Variants in PIEZO2 observed in about 807,000 individuals in gnomAD.
The protein encoded by PIEZO2 is piezo type mechanosensitive ion channel component 2, also known as piezo-type mechanosensitive ion channel component 2.
PIEZO2 carries 172 observed loss-of-function variants against 337.3 expected under a neutral mutation model. The observed-to-expected ratio is 0.51, with a 90% CI of 0.45 to 0.58. The LOEUF (loss-of-function observed/expected upper bound fraction) is 0.58, where lower values mean the gene tolerates loss of function less well. Ranked by LOEUF, PIEZO2 falls within the 20% of genes least tolerant of loss-of-function variation. The pLI, the probability that PIEZO2 is intolerant of heterozygous loss-of-function variation, is 0.00. For synonymous variants in PIEZO2, 1,251 were observed against 1,228.5 expected (o/e 1.02, Z -0.38); for missense variants, 3,028 against 3,391.3 (o/e 0.89, Z 2.66).
chr18:10,858,044 G>A (rs1339693262), intron 5 of PIEZO2, among the ~76,000 whole-genome samples: 1 of 148,318 alleles, frequency 6.7e-6, no homozygotes, highest in East Asian at 2.0e-4. Context: ...ATAAGTGGCT[G>A]GGTGCGGTGG....
At chr18:10,865,200 T>C (rs1400042084) in intron 5 of PIEZO2, among the ~76,000 whole-genome samples, 1 of 151,958 alleles carries the variant, frequency 6.6e-6, no homozygotes, top group Non-Finnish European at 1.5e-5. Context: ...CCATGCAGAG[T>C]CATGAGCATC....
rs560636249 is a variant in PIEZO2, at chr18:10,872,351, G to A, written c.330-936C>T. Among the ~76,000 whole-genome samples, 33 of 152,204 alleles carry A rather than the reference G, an allele frequency of 2.2e-4. No individual in the cohort carries two copies. In the South Asian group the frequency reaches 6.2e-3, roughly 29 times the overall value. The stretch of plus-strand genomic sequence containing the variant: ...GTGGAGAGTAGAAAGGGCTTCAACT[G>A]GAAAAGGAGGAGAGATCTGTCTGGG... On this transcript the variant is annotated intron_variant, in intron 4 of 55. Coordinates refer to ENST00000674853, the MANE Select transcript of PIEZO2 (RefSeq NM_001378183.1). The surrounding 1 kb of genome is among the most constrained non-coding windows in gnomAD (Gnocchi z 4.3).
At chr18:10,985,451 C>T (rs1568267338) in intron 2 of PIEZO2, among the ~76,000 whole-genome samples, 1 of 151,948 alleles carries the variant, frequency 6.6e-6, no homozygotes, top group African/African-American at 2.4e-5. Context: ...TTCCCTTTCC[C>T]CATTGTGTAT....
intron 3 of PIEZO2, among the ~76,000 whole-genome samples, chr18:10,975,102 A>G (rs1224109754): frequency 6.6e-6 from 1 of 152,232 alleles, no homozygotes; most frequent in African/African-American, 2.4e-5. Flanking sequence ...GAATAGAATA[A>G]TCCCTAGGGT....
chr18:10,934,636 C>CGTGTGTGTGTGT (rs59190236), intron 3 of PIEZO2, among the ~76,000 whole-genome samples: 4,036 of 130,776 alleles, frequency 0.031, 127 homozygotes, highest in East Asian at 0.073. Flanking sequence ...ATTGTGTGTA[C>CGTGTGTGTGTGT]GTGTGTGTGT....
chr18:10,759,898 T>G lies in PIEZO2; in HGVS notation c.3462A>C (p.Leu1154=). Residue 1154 remains leucine (L), a synonymous_variant, in exon 25 of 56, where the codon CTA becomes CTC. Coordinates refer to ENST00000674853, the MANE Select transcript of PIEZO2 (RefSeq NM_001378183.1). This position sits in a 1 kb window ranked among gnomAD's most constrained non-coding sequence, Gnocchi z 5.5. ...FYKFGLETCF[L]MSVNVIGQRM... is the part of the protein sequence containing the mutation. ...GCTGGCCAATGACGTTAACTGACAT[T>G]AGGAAACAGGTCTGTGTAAAGATGA... is the stretch of plus-strand genomic sequence containing the variant. 6.5e-7 allele frequency: 1 copy of G among 1,537,278 alleles called. No homozygotes were observed. Among genetic ancestry groups the G allele is most frequent in the South Asian group, 1.2e-5 (1 of 84,048 alleles).
At chr18:10,921,918 GGAA>G in intron 3 of PIEZO2, among the ~76,000 whole-genome samples, 1 of 152,052 alleles carries the variant, frequency 6.6e-6, no homozygotes, top group East Asian at 1.9e-4. Flanking sequence ...AGGCTTATTA[GGAA>G]GAGGAAATTC....
rs74491005 is a variant in PIEZO2, at chr18:10,937,800, C to T, written c.287-26572G>A. Among the ~76,000 whole-genome samples the T allele has an allele frequency of 7.9e-3, 1,208 of 152,278 alleles. 3 individuals are homozygous for T. Among genetic ancestry groups the T allele is most frequent in the Middle Eastern group, 0.017 (5 of 294 alleles). ...GTCCTTTTCACAGCTTCTTCCCTGA[C>T]ATTTTGCTGAGTTATGCTCTATGTT... On this transcript the variant is annotated intron_variant, in intron 3 of 55. Transcript: ENST00000674853.
At chr18:11,053,195 G>T (rs1043617794) in intron 2 of PIEZO2, among the ~76,000 whole-genome samples, 4 of 152,124 alleles carry the variant, frequency 2.6e-5, no homozygotes, top group African/African-American at 7.2e-5. Context: ...AGTAGAGAGG[G>T]CTATCAGCTC....
chr18:11,107,599 T>C (rs1158897476), intron 1 of PIEZO2, among the ~76,000 whole-genome samples: 1 of 152,216 alleles, frequency 6.6e-6, no homozygotes, highest in Non-Finnish European at 1.5e-5. Context: ...TTCTGAATGA[T>C]GGCGTTAAAG....
chr18:10,820,971 T>C (rs549204800), intron 7 of PIEZO2, among the ~76,000 whole-genome samples: 2 of 152,312 alleles, frequency 1.3e-5, no homozygotes, highest in African/African-American at 2.4e-5. Flanking sequence ...TCAATTTTTG[T>C]TCTTTCCCCG....
At position 11,101,806 on chromosome 18, in the gene PIEZO2, G is replaced by A. The variant is rs1281489074; in HGVS notation, c.65-35584C>T. On this transcript the variant is annotated intron_variant, in intron 1 of 55. Coordinates refer to ENST00000674853, the MANE Select transcript of PIEZO2 (RefSeq NM_001378183.1). The surrounding 1 kb of genome is among the most constrained non-coding windows in gnomAD (Gnocchi z 4.4). ...AATGTAGACCCCGACCAGGCAGAAG[G>A]CCTCGGCTACTCCCATGCTAAATTT... 6.6e-6 allele frequency among the ~76,000 whole-genome samples: 1 copy of A among 152,176 alleles called. No individual in the cohort carries two copies. Among genetic ancestry groups the A allele is most frequent in the Non-Finnish European group, 1.5e-5 (1 of 68,028 alleles).
In PIEZO2 at chr18:10,704,234, C is replaced by T. The variant is rs1598378439; in HGVS notation, c.6258+160G>A. On this transcript the variant is annotated intron_variant, in intron 42 of 55. Coordinates refer to ENST00000674853, the MANE Select transcript of PIEZO2 (RefSeq NM_001378183.1). ...AGTGCTAGGTAACTGTTGCTGCTGA[C>T]GATTTGTGTATCTAAGAATGTCTGT... 16 of 1,017,964 alleles carry T rather than the reference C, an allele frequency of 1.6e-5. No individual in the cohort carries two copies. The South Asian group carries it at 1.7e-4, about 11-fold the overall frequency. 63.1% of individuals were successfully genotyped at this position (1,017,964 alleles called of 1,614,324 possible).
intron 52 of PIEZO2, 127 bp downstream of exon 52, chr18:10,680,072 T>A (rs2034195311): frequency 1.3e-6 from 1 of 762,132 alleles, no homozygotes; most frequent in African/African-American, 1.8e-5. Context: ...CCCAAGGCTA[T>A]AATGATAAAG....
rs1186594382 is a variant in PIEZO2, at chr18:10,859,331, G to T, written c.493-2120C>A. 6.6e-6 allele frequency among the ~76,000 whole-genome samples: 1 copy of T among 152,184 alleles called. No homozygotes were observed. Among genetic ancestry groups the T allele is most frequent in the African/African-American group, 2.4e-5 (1 of 41,436 alleles). ...GAGAACAATTCCCATCTCATTCTCA[G>T]AGGATGACCTTGCTTTCTACTGCTC... On this transcript the variant is annotated intron_variant, in intron 5 of 55. Coordinates refer to ENST00000674853, the MANE Select transcript of PIEZO2 (RefSeq NM_001378183.1). This position sits in a 1 kb window ranked among gnomAD's most constrained non-coding sequence, Gnocchi z 4.9.
intron 8 of PIEZO2, among the ~76,000 whole-genome samples, chr18:10,806,486 C>A (rs891227837): frequency 4.6e-5 from 7 of 152,096 alleles, no homozygotes; most frequent in East Asian, 1.9e-4. Flanking sequence ...GGAATAAACA[C>A]CCTCAGTTGT....
chr18:10,688,271 G>C (rs12953444), intron 49 of PIEZO2, among the ~76,000 whole-genome samples: 44,148 of 152,056 alleles, frequency 0.29, 6,934 homozygotes, highest in Non-Finnish European at 0.36. Context: ...GTCTTCTGTA[G>C]CTGTGTTAGT....
intron 3 of PIEZO2, among the ~76,000 whole-genome samples, chr18:10,968,138 T>C (rs2034090382): frequency 6.6e-6 from 1 of 152,184 alleles, no homozygotes; most frequent in Non-Finnish European, 1.5e-5. Context: ...AGGTAAGAGA[T>C]GAGAATCCAG....
chr18:10,951,935 T>C (rs1288122785), intron 3 of PIEZO2, among the ~76,000 whole-genome samples: 1 of 152,226 alleles, frequency 6.6e-6, no homozygotes, highest in African/African-American at 2.4e-5. Context: ...CTATGAAGAA[T>C]TTATCACTGC....
Sources: gnomAD v4.1 joint callset for allele counts (sites outside exome capture counted in the v4.1 genomes callset) on GRCh38, gnomAD v4.1.1 for gene constraint, Gnocchi (gnomAD v3.1) non-coding constraint, MANE v1.5 for transcripts, NCBI Gene and HGNC (gene_info 2026-07-23, HGNC 2026-07-21) for gene names.